RAPGEF5: variants seen among roughly 807,000 people sequenced by gnomAD.
RAPGEF5 encodes the protein M-Ras-regulated GEF.
RAPGEF5 carries 65 observed loss-of-function variants against 125.2 expected under a neutral mutation model. The ratio of observed to expected loss-of-function variants is 0.52; its 90% CI spans 0.43 to 0.64. RAPGEF5 has a LOEUF of 0.64. Among genes scored for constraint, RAPGEF5 ranks in the 30% least tolerant of loss-of-function variants. RAPGEF5 has a pLI of 0.00. For synonymous variants in RAPGEF5, 391 were observed against 385.9 expected (o/e 1.01, Z -0.16); for missense variants, 958 against 1,048.1 (o/e 0.91, Z 1.19).
Position 22,140,129 on chromosome 7 carries a change from G to A in RAPGEF5, c.2187-14C>T. The A allele has an allele frequency of 6.5e-7, 1 of 1,539,362 alleles. No individual in the cohort carries two copies. The highest frequency in any genetic ancestry group is 8.8e-7 in the Non-Finnish European group (1 of 1,135,606). The stretch of plus-strand genomic sequence containing the variant: ...TGGGCTTTGCAGCTATAAAATAAAA[G>A]AGAGTAGAGGACACTTTGAGGAAAC... On this transcript the variant is annotated splice_polypyrimidine_tract_variant and intron_variant, in intron 20 of 25. Coordinates refer to ENST00000665637, the MANE Select transcript of RAPGEF5 (RefSeq NM_012294.5).
At chr7:22,125,433 AC>A (rs1464841059) in intron 25 of RAPGEF5, 170 bp downstream of exon 25, 1 of 590,282 alleles carries the variant, frequency 1.7e-6, no homozygotes, top group Non-Finnish European at 3.0e-6. Flanking sequence ...TGCATCCCCA[AC>A]ATGCAGTGAG....
chr7:22,322,501 T>C (rs1414290296), intron 1 of RAPGEF5, among the ~76,000 whole-genome samples: 1 of 151,914 alleles, frequency 6.6e-6, no homozygotes. Context: ...AACTATGAGG[T>C]AGGTATTATA....
chr7:22,290,433 C>T lies in RAPGEF5; in HGVS notation c.747+742G>A, dbSNP rs1782902462. Among the ~76,000 whole-genome samples, 4 of 152,186 alleles carry T rather than the reference C, an allele frequency of 2.6e-5. No homozygotes were observed. The South Asian group carries it at 8.3e-4, about 32-fold the overall frequency. On this transcript the variant is annotated intron_variant, in intron 6 of 25. Coordinates refer to ENST00000665637, the MANE Select transcript of RAPGEF5 (RefSeq NM_012294.5). ...ACTTTACTTCAACCAATTACAAAGT[C>T]TAATCAATAGCTTTAAAAACCACAA... is the stretch of plus-strand genomic sequence containing the variant.
intron 11 of RAPGEF5, among the ~76,000 whole-genome samples, chr7:22,187,579 A>C (rs1369109777): frequency 6.6e-6 from 1 of 152,230 alleles, no homozygotes; most frequent in Non-Finnish European, 1.5e-5. Context: ...CCAAGAGATG[A>C]GAAACCAAAC....
At chr7:22,284,532 C>T (rs113261462) in intron 6 of RAPGEF5, among the ~76,000 whole-genome samples, 10 of 152,300 alleles carry the variant, frequency 6.6e-5, no homozygotes, top group African/African-American at 1.2e-4. Context: ...ATCTGCCTGG[C>T]CCTTCCCCAA....
At position 22,269,180 on chromosome 7, in the gene RAPGEF5, CAAAA is replaced by C. The variant is rs34791723; in HGVS notation, c.748-2172_748-2169del. On this transcript the variant is annotated intron_variant, in intron 6 of 25. Transcript: ENST00000665637. ...GCATTGGGAGGGAAAAAGTTTTTGA[CAAAA>C]AAAAAAAAAAAAAAAAGAAACCCAA... 1.4e-4 allele frequency among the ~76,000 whole-genome samples: 10 copies of C among 73,882 alleles called. No individual in the cohort carries two copies. The South Asian group carries it at 1.6e-3, about 12-fold the overall frequency. 48.5% of individuals were successfully genotyped at this position (73,882 alleles called of 152,430 possible). A position where few individuals can be genotyped will look rare whatever the true frequency, so the allele number is the denominator to read the frequency against.
At chr7:22,231,015 T>C (rs992321762) in intron 7 of RAPGEF5, 96 bp from the exon 8 acceptor site, 20 of 1,154,736 alleles carry the variant, frequency 1.7e-5, no homozygotes, top group South Asian at 8.2e-5. Context: ...GAAAAAATGT[T>C]AGATAGATTC....
intron 8 of RAPGEF5, among the ~76,000 whole-genome samples, chr7:22,226,570 T>C (rs1785923596): frequency 6.6e-6 from 1 of 152,178 alleles, no homozygotes; most frequent in Non-Finnish European, 1.5e-5. Flanking sequence ...TAGAAGAATA[T>C]GCCCCCTTGA....
rs142288220 is a variant in RAPGEF5 at position 22,141,889 on chromosome 7, C to T, written c.2187-1774G>A. Among the ~76,000 whole-genome samples the T allele has an allele frequency of 1.4e-3, 213 of 152,356 alleles. 1 individual carries two copies. Among genetic ancestry groups the T allele is most frequent in the African/African-American group, 5.1e-3 (210 of 41,584 alleles). On this transcript the variant is annotated intron_variant, in intron 20 of 25. Coordinates refer to ENST00000665637, the MANE Select transcript of RAPGEF5 (RefSeq NM_012294.5). ...TCCATGAATAAACTCCAATAAGATA[C>T]CTCCCAGTCTGTGACTGGGAAACCT...
At chr7:22,147,201 A>T (rs1783470856) in intron 18 of RAPGEF5, among the ~76,000 whole-genome samples, 182 bp from the exon 19 acceptor site, 2 of 152,210 alleles carry the variant, frequency 1.3e-5, no homozygotes, top group African/African-American at 4.8e-5. Flanking sequence ...CGGTCTTGGG[A>T]ACAGTAGAAT....
At chr7:22,311,224 C>T (rs1213977780) in intron 3 of RAPGEF5, among the ~76,000 whole-genome samples, 1 of 152,030 alleles carries the variant, frequency 6.6e-6, no homozygotes. Flanking sequence ...TGCCATGTTG[C>T]CCAGACTGGT....
At chr7:22,200,137 C>A (rs189885923) in intron 9 of RAPGEF5, among the ~76,000 whole-genome samples, 2 of 152,140 alleles carry the variant, frequency 1.3e-5, no homozygotes, top group East Asian at 1.9e-4. Flanking sequence ...GCTGACCAAG[C>A]CATCAATGCC....
intron 19 of RAPGEF5, among the ~76,000 whole-genome samples, chr7:22,145,855 G>C (rs1016368727): frequency 3.3e-5 from 5 of 152,186 alleles, no homozygotes; most frequent in Non-Finnish European, 7.4e-5. Flanking sequence ...AAGAGAATGA[G>C]ATTAGGGCAA....
intron 7 of RAPGEF5, among the ~76,000 whole-genome samples, chr7:22,265,231 C>A (rs1319429905): frequency 6.6e-6 from 1 of 151,448 alleles, no homozygotes; most frequent in Non-Finnish European, 1.5e-5. Context: ...TCTAACTATA[C>A]TTTTGTACCC....
intron 5 of RAPGEF5, among the ~76,000 whole-genome samples, chr7:22,300,637 G>C (rs1298882063): frequency 6.6e-6 from 1 of 152,114 alleles, no homozygotes; most frequent in Non-Finnish European, 1.5e-5. Context: ...ACTCACATTT[G>C]TGTAGTTCAT....
chr7:22,230,257 A>T (rs7782753), intron 8 of RAPGEF5, among the ~76,000 whole-genome samples: 6,817 of 152,284 alleles, frequency 0.045, 504 homozygotes, highest in African/African-American at 0.16. Flanking sequence ...TGACTTTATT[A>T]AAACATTACT....
At chr7:22,350,027 T>G in intron 1 of RAPGEF5, among the ~76,000 whole-genome samples, 1 of 152,238 alleles carries the variant, frequency 6.6e-6, no homozygotes, top group Non-Finnish European at 1.5e-5. Context: ...CCACAACAAA[T>G]TAAGTCATTG....
At chr7:22,267,092 T>G in intron 6 of RAPGEF5, 80 bp from the exon 7 acceptor site, 1 of 1,337,584 alleles carries the variant, frequency 7.5e-7, no homozygotes, top group Admixed American at 2.0e-5. Flanking sequence ...TTCTTAGATA[T>G]CCAACCCAAA....
intron 20 of RAPGEF5, among the ~76,000 whole-genome samples, chr7:22,144,223 G>C (rs1176890199): frequency 7.9e-5 from 12 of 152,144 alleles, no homozygotes; most frequent in Admixed American, 7.9e-4. Context: ...CACGCACCCA[G>C]GTATAATGAT....
Sources: allele counts gnomAD v4.1 joint callset (sites outside exome capture counted in the v4.1 genomes callset), GRCh38; gene constraint gnomAD v4.1.1; transcripts MANE v1.5; gene names NCBI Gene and HGNC (gene_info 2026-07-23, HGNC 2026-07-21).